AFF1: variants seen among roughly 807,000 people sequenced by gnomAD.
The protein encoded by AFF1 is AF4/FMR2 family member 1.
In AFF1, 48 loss-of-function variants were observed where a neutral mutation model predicts 121.7. The ratio of observed to expected loss-of-function variants is 0.39; its 90% CI spans 0.31 to 0.50. The LOEUF is 0.50. Among genes scored for constraint, AFF1 ranks in the 20% least tolerant of loss-of-function variants. The pLI is 0.76. For synonymous variants in AFF1, 613 were observed against 563.0 expected (o/e 1.09, Z -1.26); for missense variants, 1,523 against 1,511.7 (o/e 1.01, Z -0.12).
At chr4:87,080,798 C>G (rs1368101186) in intron 4 of AFF1, among the ~76,000 whole-genome samples, 1 of 152,174 alleles carries the variant, frequency 6.6e-6, no homozygotes, top group Non-Finnish European at 1.5e-5. Flanking sequence ...AGATCTTTCC[C>G]TGTAAACAAA....
Position 87,001,644 on chromosome 4 carries a change from A to G in AFF1, c.39-44522A>G, listed in dbSNP as rs1256931891. ...TTGCCCTTAGGTCGTGAGAATCTCC[A>G]GGTAACCCCAGTTTAAAGATAAAGG... is the stretch of plus-strand genomic sequence containing the variant. On this transcript the variant is annotated intron_variant, in intron 2 of 20. Coordinates refer to ENST00000395146, the MANE Select transcript of AFF1 (RefSeq NM_001166693.3). 4.6e-5 allele frequency among the ~76,000 whole-genome samples: 7 copies of G among 152,234 alleles called. 1 individual carries two copies. Among genetic ancestry groups the G allele is most frequent in the East Asian group, 1.9e-4 (1 of 5,196 alleles).
At chr4:87,093,607 G>A (rs1233120714) in intron 7 of AFF1, among the ~76,000 whole-genome samples, 3 of 152,176 alleles carry the variant, frequency 2.0e-5, no homozygotes, top group South Asian at 2.1e-4. Flanking sequence ...CAAGATGATC[G>A]TGTGGAGTCC....
intron 16 of AFF1, 89 bp downstream of exon 16, chr4:87,127,792 C>G: frequency 7.5e-7 from 1 of 1,332,102 alleles, no homozygotes; most frequent in Non-Finnish European, 1.1e-6. Flanking sequence ...TATTCCATAT[C>G]ACTCAGCGTA....
At chr4:87,073,662 G>A (rs1722361016) in intron 4 of AFF1, among the ~76,000 whole-genome samples, 1 of 152,194 alleles carries the variant, frequency 6.6e-6, no homozygotes, top group African/African-American at 2.4e-5. Context: ...TGACTCATAT[G>A]ACTGCAGTTT....
Position 87,136,515 on chromosome 4 carries a change from C to A in AFF1, c.*814C>A. 4.3e-6 allele frequency: 1 copy of A among 232,746 alleles called. No homozygotes were observed. The highest frequency in any genetic ancestry group is 8.5e-6 in the Non-Finnish European group (1 of 117,838). The allele number at this position is 232,746 out of a possible 1,614,324, so 14.4% of individuals were successfully genotyped here. A position where few individuals can be genotyped will look rare whatever the true frequency, so the allele number is the denominator to read the frequency against. On this transcript the variant is annotated 3_prime_UTR_variant, in exon 21 of 21. Coordinates refer to ENST00000395146, the MANE Select transcript of AFF1 (RefSeq NM_001166693.3). ...TGCCATTTCCTACCCCTGCCATTTC[C>A]CACCCCTGCTTCAGCGAAAGGGACT...
At chr4:87,088,667 C>T (rs938490088) in intron 5 of AFF1, among the ~76,000 whole-genome samples, 77 of 152,202 alleles carry the variant, frequency 5.1e-4, no homozygotes, top group Middle Eastern at 3.4e-3. Context: ...TGCAATGGTG[C>T]GATCCCCGCT....
chr4:87,021,385 C>T (rs919813165), intron 2 of AFF1, among the ~76,000 whole-genome samples: 3 of 152,154 alleles, frequency 2.0e-5, no homozygotes, highest in African/African-American at 7.2e-5. Context: ...CTGTTTGCCT[C>T]AGTTTATCCA....
intron 2 of AFF1, among the ~76,000 whole-genome samples, chr4:86,979,861 T>C (rs897248523): frequency 6.6e-6 from 1 of 152,178 alleles, no homozygotes; most frequent in African/African-American, 2.4e-5. Context: ...AAAATAACAT[T>C]TGCATTTACC....
chr4:87,046,594 T>G (rs771627478), intron 3 of AFF1, 101 bp from the exon 4 acceptor site: 42 of 1,273,120 alleles, frequency 3.3e-5, no homozygotes, highest in Admixed American at 7.1e-5. Context: ...TGTCGTACAT[T>G]AAGTTCGGAG....
chr4:86,980,962 C>G (rs1723703802), intron 2 of AFF1, among the ~76,000 whole-genome samples: 1 of 146,168 alleles, frequency 6.8e-6, no homozygotes, highest in Admixed American at 6.8e-5. Context: ...CCCCCTCCAC[C>G]AAAAAAAAGG....
chr4:87,058,502 C>G (rs1720387395), intron 4 of AFF1, among the ~76,000 whole-genome samples: 1 of 152,082 alleles, frequency 6.6e-6, no homozygotes, highest in Admixed American at 6.5e-5. Context: ...TCAGTTCTTT[C>G]TACCTACAGT....
chr4:87,111,159 T>C (rs1253044462), intron 11 of AFF1, among the ~76,000 whole-genome samples: 792 of 72,360 alleles, frequency 0.011, 34 homozygotes, highest in African/African-American at 0.013. Flanking sequence ...AGGCGCCCGC[T>C]ACCACGCCCG....
At chr4:87,120,050 T>C (rs910472863) in intron 12 of AFF1, among the ~76,000 whole-genome samples, 1 of 152,204 alleles carries the variant, frequency 6.6e-6, no homozygotes, top group Non-Finnish European at 1.5e-5. Flanking sequence ...TCTAAATTTC[T>C]TCGTGCCTGT....
chr4:87,025,646 G>A (rs941415054), intron 2 of AFF1, among the ~76,000 whole-genome samples: 2 of 152,258 alleles, frequency 1.3e-5, no homozygotes, highest in South Asian at 4.1e-4. Context: ...TGGCTGTCAC[G>A]CCTGGGAGGG....
At chr4:87,060,847 A>C (rs13123655) in intron 4 of AFF1, among the ~76,000 whole-genome samples, 1 of 19,316 alleles carries the variant, frequency 5.2e-5, no homozygotes, top group African/African-American at 3.9e-4. Context: ...AAAAAAAAAA[A>C]AAAAAAAAAA....
At position 87,140,870 on chromosome 4, in the gene AFF1, C is replaced by T; in HGVS notation, c.*5169C>T. On this transcript the variant is annotated 3_prime_UTR_variant, in exon 21 of 21. Coordinates refer to ENST00000395146, the MANE Select transcript of AFF1 (RefSeq NM_001166693.3). Reference sequence around the variant, plus strand: ...TATAGTTTTTTTTTAGAAGAAAAATCTGCAAAAGATCTTTCCAAAGACAAT... The same window carrying T: ...TATAGTTTTTTTTTAGAAGAAAAATTTGCAAAAGATCTTTCCAAAGACAAT... The T allele has an allele frequency of 5.4e-6, 1 of 184,870 alleles. No individual in the cohort carries two copies. Among genetic ancestry groups the T allele is most frequent in the Non-Finnish European group, 1.2e-5 (1 of 86,866 alleles). 11.5% of individuals were successfully genotyped at this position (184,870 alleles called of 1,614,324 possible).
chr4:87,010,661 T>G (rs1205576764), intron 2 of AFF1, among the ~76,000 whole-genome samples: 3 of 152,186 alleles, frequency 2.0e-5, no homozygotes, highest in Non-Finnish European at 4.4e-5. Context: ...AGGAGTGGTG[T>G]TGATGGATAC....
chr4:87,086,777 G>T (rs957363854), intron 5 of AFF1, among the ~76,000 whole-genome samples: 3 of 152,150 alleles, frequency 2.0e-5, no homozygotes, highest in African/African-American at 7.2e-5. Context: ...TTCTCATCTT[G>T]TACCAGCAAT....
intron 12 of AFF1, among the ~76,000 whole-genome samples, chr4:87,118,852 T>G (rs1204873249): frequency 2.6e-5 from 4 of 152,242 alleles, no homozygotes; most frequent in East Asian, 3.8e-4. Flanking sequence ...GAGATTTATT[T>G]TAAATGAAAG....
Sources: gnomAD v4.1 joint callset for allele counts (sites outside exome capture counted in the v4.1 genomes callset) on GRCh38, gnomAD v4.1.1 for gene constraint, MANE v1.5 for transcripts, NCBI Gene and HGNC (gene_info 2026-07-23, HGNC 2026-07-21) for gene names.